The following ATXN8OS variants were observed in gnomAD, a reference collection of about 807,000 sequenced individuals.
The protein encoded by ATXN8OS is ATXN8 opposite strand (non-protein coding).
In ATXN8OS at chr13:70,171,307, T is replaced by C. The variant is rs956884159; in HGVS notation, n.2128T>C. On this transcript the variant is annotated non_coding_transcript_exon_variant, in exon 5 of 5. Transcript: ENST00000678624. ...CATCCAGTTAGGTTACAGTTCATTA[T>C]GTACAGAGAAACCTTTGGGCGTAAC... 3.3e-5 allele frequency among the ~76,000 whole-genome samples: 5 copies of C among 152,280 alleles called. No individual in the cohort carries two copies. In the East Asian group the frequency reaches 7.7e-4, roughly 24 times the overall value.
rs538834113 is a variant in ATXN8OS at position 70,114,714 on chromosome 13, C to A, written n.241-427C>A. 1.9e-3 allele frequency among the ~76,000 whole-genome samples: 285 copies of A among 152,232 alleles called. 1 individual carries two copies. Among genetic ancestry groups the A allele is most frequent in the African/African-American group, 6.4e-3 (267 of 41,542 alleles). ...TAAGAAAGGAACTATTATTTTATGA[C>A]ATCCTACCAAGTGCCAGACAATGAT... On this transcript the variant is annotated intron_variant and non_coding_transcript_variant, in intron 1 of 4. Transcript: ENST00000678624.
At chr13:70,157,234 C>T (rs1256875460) in intron 4 of ATXN8OS, among the ~76,000 whole-genome samples, 1 of 152,026 alleles carries the variant, frequency 6.6e-6, no homozygotes, top group Non-Finnish European at 1.5e-5. Flanking sequence ...AAAGCCTTTA[C>T]ATGAACTATA....
intron 4 of ATXN8OS, among the ~76,000 whole-genome samples, chr13:70,159,859 ATAGT>A (rs1362039712): frequency 2.6e-5 from 4 of 152,198 alleles, no homozygotes; most frequent in Non-Finnish European, 5.9e-5. Flanking sequence ...CATTGCATGT[ATAGT>A]TAATTTATTC....
chr13:70,157,080 T>G (rs927701690), intron 4 of ATXN8OS, among the ~76,000 whole-genome samples: 6 of 152,086 alleles, frequency 3.9e-5, no homozygotes, highest in African/African-American at 1.4e-4. Context: ...AAAATGCTAA[T>G]GCAATCTGAT....
intron 4 of ATXN8OS, among the ~76,000 whole-genome samples, chr13:70,148,769 G>C (rs549521034): frequency 1.6e-4 from 25 of 151,956 alleles, no homozygotes; most frequent in Non-Finnish European, 3.1e-4. Context: ...ATTTGTAGCT[G>C]TTTTTATTAT....
chr13:70,121,072 A>T (rs1026265793), intron 2 of ATXN8OS, among the ~76,000 whole-genome samples: 18 of 145,888 alleles, frequency 1.2e-4, no homozygotes, highest in South Asian at 8.7e-4. Flanking sequence ...AAAGTATAAT[A>T]AAAAAAAAAG....
intron 4 of ATXN8OS, among the ~76,000 whole-genome samples, chr13:70,158,376 C>A (rs1030129209): frequency 1.3e-5 from 2 of 152,170 alleles, no homozygotes; most frequent in South Asian, 4.1e-4. Context: ...CAAGATTACG[C>A]CACTGCACTC....
chr13:70,149,785 G>A (rs1205294198), intron 4 of ATXN8OS, among the ~76,000 whole-genome samples: 1 of 152,108 alleles, frequency 6.6e-6, no homozygotes, highest in Non-Finnish European at 1.5e-5. Context: ...TGCAAGGAAT[G>A]ATTAGCCATT....
intron 4 of ATXN8OS, among the ~76,000 whole-genome samples, chr13:70,168,504 C>T (rs900974073): frequency 2.6e-5 from 4 of 151,670 alleles, no homozygotes; most frequent in Non-Finnish European, 5.9e-5. Context: ...ACCAACTTCT[C>T]TTTATCCCCT....
At chr13:70,117,377 A>G (rs527875812) in intron 2 of ATXN8OS, among the ~76,000 whole-genome samples, 23 of 152,236 alleles carry the variant, frequency 1.5e-4, no homozygotes, top group African/African-American at 5.1e-4. Flanking sequence ...AATGAAAAAA[A>G]CTATGCTTTT....
chr13:70,122,789 G>A (rs1342671184), intron 2 of ATXN8OS, among the ~76,000 whole-genome samples: 2 of 152,024 alleles, frequency 1.3e-5, no homozygotes, highest in East Asian at 1.9e-4. Context: ...ACAAAGATAG[G>A]CATTTGATCT....
At chr13:70,165,128 T>C (rs1196689276) in intron 4 of ATXN8OS, among the ~76,000 whole-genome samples, 1 of 151,900 alleles carries the variant, frequency 6.6e-6, no homozygotes, top group East Asian at 1.9e-4. Context: ...TAAGATCAAT[T>C]TTGAGCTTTC....
chr13:70,166,440 G>A (rs555738262), intron 4 of ATXN8OS, among the ~76,000 whole-genome samples: 50 of 152,108 alleles, frequency 3.3e-4, no homozygotes, highest in African/African-American at 9.2e-4. Context: ...AATAAATGGT[G>A]CTGGGAAAAC....
At chr13:70,163,830 T>A (rs1312103327) in intron 4 of ATXN8OS, among the ~76,000 whole-genome samples, 1 of 151,236 alleles carries the variant, frequency 6.6e-6, no homozygotes, top group African/African-American at 2.4e-5. Flanking sequence ...ACTTTTTATC[T>A]CTTGCAGTCC....
intron 4 of ATXN8OS, among the ~76,000 whole-genome samples, chr13:70,166,334 C>G (rs770896400): frequency 2.6e-5 from 4 of 152,004 alleles, no homozygotes; most frequent in Non-Finnish European, 4.4e-5. Context: ...ACCAATGGAA[C>G]AGAACAGAAC....
At chr13:70,112,936 T>TTTC (rs1222440824) in intron 1 of ATXN8OS, among the ~76,000 whole-genome samples, 2 of 143,088 alleles carry the variant, frequency 1.4e-5, no homozygotes, top group African/African-American at 2.5e-5. Flanking sequence ...TTTTTTTTTT[T>TTTC]TTTTGAGATG....
chr13:70,139,369 CT>C, intron 3 of ATXN8OS: 1 of 653,642 alleles, frequency 1.5e-6, no homozygotes, highest in Non-Finnish European at 2.5e-6. Flanking sequence ...ACTACTACTA[CT>C]ACTACTACTA....
chr13:70,109,122 T>C (rs987047452), intron 1 of ATXN8OS, among the ~76,000 whole-genome samples: 6 of 152,242 alleles, frequency 3.9e-5, no homozygotes, highest in African/African-American at 1.4e-4. Flanking sequence ...TTGTATACTA[T>C]GCATGGAAGA....
At chr13:70,167,330 A>G (rs529389302) in intron 4 of ATXN8OS, among the ~76,000 whole-genome samples, 1 of 152,276 alleles carries the variant, frequency 6.6e-6, no homozygotes, top group Admixed American at 6.5e-5. Flanking sequence ...CTATGCAGCC[A>G]TAAAAAATGA....
Sources: allele counts gnomAD v4.1 joint callset (sites outside exome capture counted in the v4.1 genomes callset), GRCh38; gene constraint gnomAD v4.1.1; transcripts MANE v1.5; gene names NCBI Gene and HGNC (gene_info 2026-07-23, HGNC 2026-07-21).